The following DGKB variants were observed in gnomAD, a reference collection of about 807,000 sequenced individuals.
The protein encoded by DGKB is 90 kDa diacylglycerol kinase.
DGKB carries 67 observed loss-of-function variants against 114.3 expected under a neutral mutation model. The observed-to-expected ratio is 0.59, with a 90% CI of 0.48 to 0.72. The LOEUF (loss-of-function observed/expected upper bound fraction) is 0.72, where lower values mean the gene tolerates loss of function less well. Among genes scored for constraint, DGKB ranks in the 30% least tolerant of loss-of-function variants. The probability of loss-of-function intolerance (pLI) is 0.00; values close to 1 mark genes in which losing one functional copy is unlikely to be tolerated. For missense variants in DGKB, 907 were observed against 975.2 expected (o/e 0.93, Z 0.93); for synonymous variants, 398 against 323.1 (o/e 1.23, Z -2.49).
chr7:14,821,252 C>G (rs527573524), intron 2 of DGKB, among the ~76,000 whole-genome samples: 2 of 152,188 alleles, frequency 1.3e-5, no homozygotes, highest in South Asian at 4.1e-4. Context: ...TCATTTGACC[C>G]ATACTTATTG....
chr7:14,941,868 A>G (rs1463553303), intron 1 of DGKB, among the ~76,000 whole-genome samples: 2 of 152,110 alleles, frequency 1.3e-5, no homozygotes, highest in African/African-American at 4.8e-5. Context: ...GTATAATTTC[A>G]AAAAATATTA....
Position 14,264,524 on chromosome 7 carries a change from T to A in DGKB, c.2122+73991A>T, listed in dbSNP as rs531210646. On this transcript the variant is annotated intron_variant, in intron 23 of 25. Transcript: ENST00000402815. ...CCACAGTAGAGGCTCCACTCATGAGTACTAGAGATTATTAATGAACAGGGC... is the reference window on the plus strand; with the variant it reads ...CCACAGTAGAGGCTCCACTCATGAGAACTAGAGATTATTAATGAACAGGGC... 3.3e-5 allele frequency among the ~76,000 whole-genome samples: 5 copies of A among 152,144 alleles called. No individual in the cohort carries two copies. The East Asian group carries it at 5.8e-4, about 18-fold the overall frequency.
intron 20 of DGKB, among the ~76,000 whole-genome samples, chr7:14,516,630 G>C (rs1010728544): frequency 5.3e-5 from 8 of 152,122 alleles, no homozygotes; most frequent in African/African-American, 1.9e-4. Flanking sequence ...TATTCTTTTT[G>C]TGGCCATTAT....
chr7:14,683,373 G>T (rs1341759143), intron 10 of DGKB, among the ~76,000 whole-genome samples: 1 of 152,086 alleles, frequency 6.6e-6, no homozygotes, highest in East Asian at 1.9e-4. Context: ...TCCTTCACTT[G>T]CCATCATGGC....
At chr7:14,235,011 T>G (rs2128349518) in intron 23 of DGKB, among the ~76,000 whole-genome samples, 1 of 152,204 alleles carries the variant, frequency 6.6e-6, no homozygotes, top group South Asian at 2.1e-4. Context: ...AACAAAAAAG[T>G]AACTTGGATT....
intron 1 of DGKB, among the ~76,000 whole-genome samples, chr7:14,861,165 G>T (rs996247480): frequency 5.3e-5 from 8 of 151,710 alleles, no homozygotes; most frequent in Non-Finnish European, 1.0e-4. Context: ...ACCATACTTG[G>T]TATATAATTC....
intron 21 of DGKB, among the ~76,000 whole-genome samples, chr7:14,469,546 C>G (rs1391738508): frequency 1.3e-5 from 2 of 151,996 alleles, no homozygotes; most frequent in Non-Finnish European, 2.9e-5. Flanking sequence ...AGCCATCTTA[C>G]AAACATGATT....
At chr7:14,276,732 T>C (rs1799057137) in intron 23 of DGKB, among the ~76,000 whole-genome samples, 2 of 152,112 alleles carry the variant, frequency 1.3e-5, no homozygotes, top group East Asian at 1.9e-4. Context: ...TAAGATATTT[T>C]ATATGGATTA....
chr7:14,698,482 T>C lies in DGKB; in HGVS notation c.517-313A>G, dbSNP rs1980336. ...GCAGGACCAAATACATACTGTCACA[T>C]GTGATTTTTAAGACACTGAATTCCC... On this transcript the variant is annotated intron_variant, in intron 7 of 25. Transcript: ENST00000402815. Among the ~76,000 whole-genome samples the C allele has an allele frequency of 6.8e-3, 1,041 of 152,234 alleles. 10 individuals carry two copies. The highest frequency in any genetic ancestry group is 0.023 in the African/African-American group (964 of 41,560).
At chr7:14,694,730 G>A (rs1823507107) in intron 8 of DGKB, among the ~76,000 whole-genome samples, 3 of 121,062 alleles carry the variant, frequency 2.5e-5, no homozygotes, top group Middle Eastern at 7.9e-3. Context: ...GTTCTCTGCA[G>A]TGTTTGTTTG....
chr7:14,276,627 T>C (rs1244666460), intron 23 of DGKB, among the ~76,000 whole-genome samples: 2 of 151,950 alleles, frequency 1.3e-5, no homozygotes, highest in Admixed American at 6.6e-5. Context: ...CATGCCTAAA[T>C]TGCATTACTA....
intron 9 of DGKB, among the ~76,000 whole-genome samples, chr7:14,688,599 C>G (rs550527634): frequency 6.6e-6 from 1 of 152,068 alleles, no homozygotes; most frequent in Non-Finnish European, 1.5e-5. Context: ...TTTTTCATCA[C>G]CAGACATAAC....
rs542680280 is a variant in DGKB, at chr7:14,539,393, T to C, written c.1770+34819A>G. 4.8e-3 allele frequency among the ~76,000 whole-genome samples: 724 copies of C among 152,206 alleles called. 3 individuals are homozygous for C. The highest frequency in any genetic ancestry group is 8.9e-3 in the Non-Finnish European group (605 of 67,962). On this transcript the variant is annotated intron_variant, in intron 20 of 25. Coordinates refer to ENST00000402815, the MANE Select transcript of DGKB (RefSeq NM_001350709.2). ...GCACTAATACATGAAATAAGATACA[T>C]GAAGTATTGTAAAGATGAATAAAGC...
chr7:14,784,367 CTTT>C (rs1216046590), intron 2 of DGKB, among the ~76,000 whole-genome samples: 10 of 129,194 alleles, frequency 7.7e-5, no homozygotes, highest in African/African-American at 9.1e-5. Flanking sequence ...AAATTATATG[CTTT>C]TTTTTTTTTT....
chr7:14,309,698 T>C lies in DGKB; in HGVS notation c.2122+28817A>G, dbSNP rs148962281. ...AGGCTGACAAAGGGTAGATTTCTTA[T>C]AGGATAATTCTTGTTCTTCAGGGAT... On this transcript the variant is annotated intron_variant, in intron 23 of 25. Coordinates refer to ENST00000402815, the MANE Select transcript of DGKB (RefSeq NM_001350709.2). Among the ~76,000 whole-genome samples the C allele has an allele frequency of 3.1e-3, 475 of 152,328 alleles. 2 individuals are homozygous for C. The highest frequency in any genetic ancestry group is 6.6e-3 in the South Asian group (32 of 4,826).
chr7:14,585,727 G>T (rs1230702615), intron 17 of DGKB, among the ~76,000 whole-genome samples: 4 of 152,140 alleles, frequency 2.6e-5, no homozygotes, highest in Non-Finnish European at 5.9e-5. Context: ...TCAGTGCCAT[G>T]TTTTCCAACA....
intron 20 of DGKB, among the ~76,000 whole-genome samples, chr7:14,489,388 G>A (rs570919214): frequency 1.2e-4 from 18 of 152,166 alleles, no homozygotes; most frequent in Admixed American, 3.9e-4. Context: ...AACCCTAAGT[G>A]TTTTTGCTGA....
rs906033254 is a variant in DGKB at position 14,427,712 on chromosome 7, G to A, written c.1835+50449C>T. 7.2e-5 allele frequency among the ~76,000 whole-genome samples: 11 copies of A among 152,162 alleles called. No homozygotes were observed. In the South Asian group the frequency reaches 8.3e-4, roughly 11 times the overall value. ...AGAGAGCTTGTGCGGGGAAATTCCC[G>A]TTTTTAAAACCATCAGATCTTGTGA... is the stretch of plus-strand genomic sequence containing the variant. On this transcript the variant is annotated intron_variant, in intron 21 of 25. Transcript: ENST00000402815.
At chr7:14,188,832 C>G (rs1454256895) in intron 23 of DGKB, among the ~76,000 whole-genome samples, 2 of 151,932 alleles carry the variant, frequency 1.3e-5, no homozygotes, top group East Asian at 1.9e-4. Flanking sequence ...ACACTATTAG[C>G]AGATTTCTCA....
Sources: gnomAD v4.1 joint callset for allele counts (sites outside exome capture counted in the v4.1 genomes callset) on GRCh38, gnomAD v4.1.1 for gene constraint, MANE v1.5 for transcripts, NCBI Gene and HGNC (gene_info 2026-07-23, HGNC 2026-07-21) for gene names.